PARP14: variants seen among roughly 807,000 people sequenced by gnomAD.
PARP14 encodes protein mono-ADP-ribosyltransferase PARP14.
In PARP14, 59 loss-of-function variants were observed where a neutral mutation model predicts 154.2. That is an observed-to-expected ratio of 0.38 (90% CI 0.31 to 0.48). The LOEUF is 0.48. PARP14 is among the 20% of genes least tolerant of loss of function. The probability of loss-of-function intolerance (pLI) is 0.98; values close to 1 mark genes in which losing one functional copy is unlikely to be tolerated. For synonymous variants in PARP14, 720 were observed against 780.5 expected (o/e 0.92, Z 1.29); for missense variants, 1,734 against 2,131.6 (o/e 0.81, Z 3.67).
intron 8 of PARP14, among the ~76,000 whole-genome samples, chr3:122,707,340 C>T (rs561075248): frequency 4.0e-5 from 6 of 150,842 alleles, no homozygotes; most frequent in African/African-American, 1.5e-4. Context: ...AAGATTGTGC[C>T]ACTACACTCC....
At chr3:122,692,247 G>T in intron 3 of PARP14, 54 bp from the exon 4 acceptor site, 1 of 1,527,144 alleles carries the variant, frequency 6.5e-7, no homozygotes, top group South Asian at 1.2e-5. Context: ...ACTTTGCTAA[G>T]ACCATGGTAG....
intron 9 of PARP14, among the ~76,000 whole-genome samples, chr3:122,710,458 A>G (rs1161141363): frequency 6.6e-6 from 1 of 152,164 alleles, no homozygotes; most frequent in East Asian, 1.9e-4. Flanking sequence ...TGGTAACTAT[A>G]GCCTTGTAGT....
chr3:122,707,138 G>T (rs1576593082), intron 8 of PARP14, among the ~76,000 whole-genome samples: 1 of 152,020 alleles, frequency 6.6e-6, no homozygotes, highest in Admixed American at 6.6e-5. Context: ...AGTGGGATTG[G>T]CTCGGAGCGG....
intron 3 of PARP14, among the ~76,000 whole-genome samples, chr3:122,690,007 A>G (rs1417099012): frequency 6.6e-6 from 1 of 151,872 alleles, no homozygotes; most frequent in African/African-American, 2.4e-5. Context: ...ACTTTTCTCT[A>G]CCCAATTCCA....
chr3:122,687,047 T>C, intron 2 of PARP14, 33 bp from the exon 3 acceptor site: 1 of 1,463,028 alleles, frequency 6.8e-7, no homozygotes, highest in African/African-American at 1.4e-5. Flanking sequence ...TTGTTAATCA[T>C]GTATTAATGC....
At chr3:122,707,059 T>A (rs1393462171) in intron 8 of PARP14, among the ~76,000 whole-genome samples, 1 of 152,230 alleles carries the variant, frequency 6.6e-6, no homozygotes, top group Non-Finnish European at 1.5e-5. Flanking sequence ...CTTTGAACAA[T>A]GCAAAATGCA....
In PARP14 at chr3:122,719,048, G is replaced by A. The variant is rs1933081821; in HGVS notation, c.4807+90G>A. 4 of 1,259,564 alleles carry A rather than the reference G, an allele frequency of 3.2e-6. No individual in the cohort carries two copies. In the South Asian group the frequency reaches 7.6e-5, roughly 24 times the overall value. 78.0% of individuals were successfully genotyped at this position (1,259,564 alleles called of 1,614,324 possible). Reference sequence around the variant, plus strand: ...GTACGTACATCAGAATTTCAAATTGGAAAAAATTCATGTGACACTAATGAA... The same window carrying A: ...GTACGTACATCAGAATTTCAAATTGAAAAAAATTCATGTGACACTAATGAA... On this transcript the variant is annotated intron_variant, in intron 14 of 16. Coordinates refer to ENST00000474629, the MANE Select transcript of PARP14 (RefSeq NM_017554.3).
Position 122,718,817 on chromosome 3 carries a change from T to C in PARP14, c.4666T>C (p.Leu1556=). 6.2e-7 allele frequency: 1 copy of C among 1,613,850 alleles called. No individual in the cohort carries two copies. Among genetic ancestry groups the C allele is most frequent in the South Asian group, 1.1e-5 (1 of 91,080 alleles). Residue 1556 remains leucine (L), a synonymous_variant, in exon 14 of 17, where the codon TTA becomes CTA. Transcript: ENST00000474629. ...TTTTAACAAAATGACCAATCTGAAA[T>C]TAGAGGATGCAAGGAGAGAAAAGAA... ...HCFNKMTNLK[L]EDARREKKKT...
chr3:122,713,946 T>A lies in PARP14; in HGVS notation c.3832+12T>A. 6.2e-7 allele frequency: 1 copy of A among 1,607,682 alleles called. No homozygotes were observed. Among genetic ancestry groups the A allele is most frequent in the East Asian group, 2.2e-5 (1 of 44,804 alleles). On this transcript the variant is annotated intron_variant, in intron 11 of 16. Transcript: ENST00000474629. ...ATGTTCTCAGCAAGGTAAGGCATAT[T>A]CTATTTTTTGGTCCTAAGTTGTAAT...
intron 2 of PARP14, among the ~76,000 whole-genome samples, chr3:122,685,776 G>C (rs1157764219): frequency 6.6e-6 from 1 of 151,938 alleles, no homozygotes; most frequent in East Asian, 1.9e-4. Context: ...CCAAAGTGCT[G>C]GGATTACAGT....
At position 122,710,539 on chromosome 3, in the gene PARP14, G is replaced by C. The variant is rs1287477178; in HGVS notation, c.3619+2271G>C. Among the ~76,000 whole-genome samples the C allele has an allele frequency of 2.0e-5, 3 of 152,112 alleles. No individual in the cohort carries two copies. The East Asian group carries it at 5.8e-4, about 29-fold the overall frequency. ...TGCTTAGTCTTGCTTGGCTATATGG[G>C]CTCTTTTTTGGTTCCATGTGAATTT... On this transcript the variant is annotated intron_variant, in intron 9 of 16. Coordinates refer to ENST00000474629, the MANE Select transcript of PARP14 (RefSeq NM_017554.3).
intron 14 of PARP14, 137 bp downstream of exon 14, chr3:122,719,095 CTG>C: frequency 2.2e-6 from 2 of 891,966 alleles, no homozygotes; most frequent in East Asian, 5.6e-5. Context: ...AATGTGGCCT[CTG>C]CGCTTAAAGA....
In PARP14 at chr3:122,692,512, T is replaced by C. The variant is rs772844363; in HGVS notation, c.567T>C (p.Asp189=). Residue 189 remains aspartate, a synonymous_variant, in exon 4 of 17, where the codon GAT becomes GAC. Coordinates refer to ENST00000474629, the MANE Select transcript of PARP14 (RefSeq NM_017554.3). The stretch of plus-strand genomic sequence containing the variant: ...AAGTGGAAATAATAAGAGATTTTGA[T>C]GTTGCTGTTGTTACCTTTCAAAAGC... The part of the protein sequence containing the change: ...DFQVEIIRDF[D]VAVVTFQKHI... 8 of 1,612,308 alleles carry C rather than the reference T, an allele frequency of 5.0e-6. No individual in the cohort carries two copies. Among genetic ancestry groups the C allele is most frequent in the Non-Finnish European group, 6.8e-6 (8 of 1,178,576 alleles).
chr3:122,695,487 T>C lies in PARP14; in HGVS notation c.660T>C (p.Ser220=). The C allele has an allele frequency of 6.2e-7, 1 of 1,610,492 alleles. No individual in the cohort carries two copies. Among genetic ancestry groups the C allele is most frequent in the South Asian group, 1.1e-5 (1 of 90,494 alleles). Residue 220 remains serine, a synonymous_variant, in exon 5 of 17, where the codon TCT becomes TCC. Coordinates refer to ENST00000474629, the MANE Select transcript of PARP14 (RefSeq NM_017554.3). ...ATTCAATTAAACAACTTCAGCTTTC[T>C]CCAAGACTTCTGGAAGTGACAAACA... ...KHHSIKQLQL[S]PRLLEVTNTI...
Position 122,680,887 on chromosome 3 carries a change from G to A in PARP14, c.4G>A (p.Ala2Thr), listed in dbSNP as rs377430703. 3 of 1,602,686 alleles carry A rather than the reference G, an allele frequency of 1.9e-6. No individual in the cohort carries two copies. Among genetic ancestry groups the A allele is most frequent in the Non-Finnish European group, 1.7e-6 (2 of 1,175,106 alleles). Reference sequence around the variant, plus strand: ...CCGGCGGAGAGCGGAGCTGAGGATGGCTGTGCCCGGCTCCTTCCCGCTGCT... The same window carrying A: ...CCGGCGGAGAGCGGAGCTGAGGATGACTGTGCCCGGCTCCTTCCCGCTGCT... M[A>T]VPGSFPLLVE... Residue 2 changes from alanine to threonine, a missense_variant, in exon 1 of 17, where the codon GCT (alanine) becomes ACT (threonine). Physicochemically the swap from Ala to Thr is moderately conservative, Grantham distance 58. This residue lies in a region of PARP14 where 1,646 missense variants were observed against 1,976.0 expected (regional missense o/e 0.83). Coordinates refer to ENST00000474629, the MANE Select transcript of PARP14 (RefSeq NM_017554.3).
Position 122,692,342 on chromosome 3 carries a change from G to A in PARP14, c.397G>A (p.Gly133Arg). 1 of 1,612,930 alleles carries A rather than the reference G, an allele frequency of 6.2e-7. No individual in the cohort carries two copies. The highest frequency in any genetic ancestry group is 8.5e-7 in the Non-Finnish European group (1 of 1,179,098). Residue 133 changes from glycine to arginine, a missense_variant, in exon 4 of 17, where the codon GGA (glycine) becomes AGA (arginine). By Grantham distance (125) the Gly-to-Arg change is moderately radical (BLOSUM62 -2). Around this residue, in one of 2 missense-constraint regions of PARP14, gnomAD observed 1,646 missense variants for 1,976.0 expected, o/e 0.83. Coordinates refer to ENST00000474629, the MANE Select transcript of PARP14 (RefSeq NM_017554.3). The part of the protein sequence containing the change: ...ELDTKLPLDG[G>R]LDKMEDIPEE... ...GGATACAAAACTCCCTCTTGATGGT[G>A]GATTAGACAAAATGGAAGATATCCC...
Position 122,729,260 on chromosome 3 carries a change from T to C in PARP14, c.*663T>C, listed in dbSNP as rs1213816444. 6.5e-6 allele frequency: 1 copy of C among 153,008 alleles called. No individual in the cohort carries two copies. The highest frequency in any genetic ancestry group is 1.5e-5 in the Non-Finnish European group (1 of 68,716). 9.5% of individuals were successfully genotyped at this position (153,008 alleles called of 1,614,324 possible). On this transcript the variant is annotated 3_prime_UTR_variant, in exon 17 of 17. Coordinates refer to ENST00000474629, the MANE Select transcript of PARP14 (RefSeq NM_017554.3). ...ATTCTTCACAAACTAGCCAGTGACATGTGGGACAGCTCTGGCCAGGGCTCT... is the reference window on the plus strand; with the variant it reads ...ATTCTTCACAAACTAGCCAGTGACACGTGGGACAGCTCTGGCCAGGGCTCT...
Position 122,718,270 on chromosome 3 carries a change from A to T in PARP14, c.4200A>T (p.Lys1400Asn). The T allele has an allele frequency of 6.2e-7, 1 of 1,613,376 alleles. No individual in the cohort carries two copies. ...QLSSQQSVMS[K>N]LASFLGFSKQ... Reference sequence around the variant, plus strand: ...CTTCCCAACAGTCTGTGATGTCTAAACTTGCATGTGAGTTCTTTGTTTTTA... The same window carrying T: ...CTTCCCAACAGTCTGTGATGTCTAATCTTGCATGTGAGTTCTTTGTTTTTA... Residue 1400 changes from lysine to asparagine, a missense_variant, in exon 13 of 17, where the codon AAA becomes AAT. This residue lies in a region of PARP14 where 1,646 missense variants were observed against 1,976.0 expected (regional missense o/e 0.83). Transcript: ENST00000474629.
intron 8 of PARP14, among the ~76,000 whole-genome samples, chr3:122,705,687 A>T (rs1313757155): frequency 6.6e-6 from 1 of 152,202 alleles, no homozygotes; most frequent in African/African-American, 2.4e-5. Context: ...GATCAAACAG[A>T]TTAAGATCAG....
Sources: allele counts gnomAD v4.1 joint callset (sites outside exome capture counted in the v4.1 genomes callset), GRCh38; gene constraint gnomAD v4.1.1; regional missense constraint gnomAD v4.1.1; transcripts MANE v1.5; gene names NCBI Gene and HGNC (gene_info 2026-07-23, HGNC 2026-07-21).